Variants in MNAT1 observed in about 807,000 individuals in gnomAD.
MNAT1 encodes MNAT1 component of CDK activating kinase.
In MNAT1, 43 loss-of-function variants were observed where a neutral mutation model predicts 42.0. The ratio of observed to expected loss-of-function variants is 1.02; its 90% CI spans 0.80 to 1.32. MNAT1 has a LOEUF of 1.32. Ranked by LOEUF, MNAT1 falls within the 40% of genes most tolerant of loss-of-function variation. The pLI is 0.00. For synonymous variants in MNAT1, 118 were observed against 120.0 expected (o/e 0.98, Z 0.11); for missense variants, 306 against 350.4 (o/e 0.87, Z 1.01).
intron 4 of MNAT1, among the ~76,000 whole-genome samples, chr14:60,809,849 A>G (rs558640687): frequency 8.0e-4 from 122 of 152,184 alleles, no homozygotes; most frequent in African/African-American, 2.6e-3. Context: ...TGGTTTTAGT[A>G]TCAGGGTAAT....
intron 1 of MNAT1, among the ~76,000 whole-genome samples, chr14:60,748,343 G>A (rs2029921341): frequency 6.6e-6 from 1 of 152,146 alleles, no homozygotes. Flanking sequence ...CAATCCTTCA[G>A]CTGTAGCCTT....
intron 7 of MNAT1, among the ~76,000 whole-genome samples, chr14:60,895,565 A>C (rs2034937580): frequency 6.6e-6 from 1 of 152,208 alleles, no homozygotes; most frequent in African/African-American, 2.4e-5. Flanking sequence ...TATTGTAACA[A>C]AATTTCCATT....
chr14:60,852,280 A>G (rs1355204960), intron 6 of MNAT1, among the ~76,000 whole-genome samples: 1 of 152,112 alleles, frequency 6.6e-6, no homozygotes, highest in East Asian at 1.9e-4. Flanking sequence ...TTCTCTAATG[A>G]CCAGTGATAA....
At chr14:60,899,268 T>G (rs1342435618) in intron 7 of MNAT1, among the ~76,000 whole-genome samples, 1 of 152,206 alleles carries the variant, frequency 6.6e-6, no homozygotes, top group Non-Finnish European at 1.5e-5. Context: ...TTCTGTACTA[T>G]CAATCAGCAA....
chr14:60,960,118 A>G (rs768415794), intron 7 of MNAT1, among the ~76,000 whole-genome samples: 1 of 152,130 alleles, frequency 6.6e-6, no homozygotes, highest in African/African-American at 2.4e-5. Context: ...TGTAAATACT[A>G]TGCATATGCC....
intron 1 of MNAT1, 140 bp downstream of exon 1, chr14:60,735,091 T>A: frequency 1.2e-6 from 1 of 823,602 alleles, no homozygotes. Context: ...AAAGAAGGCG[T>A]TGTGACTTTA....
intron 7 of MNAT1, among the ~76,000 whole-genome samples, chr14:60,961,267 C>T (rs567861562): frequency 6.6e-6 from 1 of 152,274 alleles, no homozygotes; most frequent in East Asian, 1.9e-4. Flanking sequence ...CGGCCATCAG[C>T]TTTCTAATAA....
intron 6 of MNAT1, among the ~76,000 whole-genome samples, chr14:60,840,853 C>T (rs531062919): frequency 1.9e-4 from 29 of 152,092 alleles, no homozygotes; most frequent in African/African-American, 2.7e-4. Context: ...TTAGTAGAGA[C>T]GGGATTTCAC....
chr14:60,869,421 A>G (rs2034280663), intron 6 of MNAT1, among the ~76,000 whole-genome samples: 1 of 152,064 alleles, frequency 6.6e-6, no homozygotes, highest in Non-Finnish European at 1.5e-5. Flanking sequence ...TCAGTGAGGT[A>G]CCTATGACAG....
chr14:60,952,963 T>C (rs1005675969), intron 7 of MNAT1, among the ~76,000 whole-genome samples: 2 of 151,986 alleles, frequency 1.3e-5, no homozygotes, highest in Non-Finnish European at 2.9e-5. Flanking sequence ...ACTGATATTA[T>C]GGAAATCAGA....
intron 7 of MNAT1, among the ~76,000 whole-genome samples, chr14:60,911,358 T>A (rs2035356135): frequency 1.3e-5 from 2 of 152,200 alleles, no homozygotes; most frequent in Admixed American, 1.3e-4. Flanking sequence ...TGTCTTGCCT[T>A]CTGCTAGCTT....
chr14:60,738,018 T>A (rs1896356556), intron 1 of MNAT1, among the ~76,000 whole-genome samples: 1 of 147,554 alleles, frequency 6.8e-6, no homozygotes, highest in Admixed American at 6.7e-5. Flanking sequence ...CCGGCTAATT[T>A]TTTTGTATTT....
intron 1 of MNAT1, among the ~76,000 whole-genome samples, chr14:60,795,665 C>T (rs4151200): frequency 0.014 from 2,096 of 152,270 alleles, 45 homozygotes; most frequent in African/African-American, 0.048. Flanking sequence ...CATACTGGAG[C>T]GCTCAAAGTT....
intron 7 of MNAT1, among the ~76,000 whole-genome samples, chr14:60,937,618 T>G (rs1404470338): frequency 1.3e-5 from 2 of 152,184 alleles, no homozygotes; most frequent in African/African-American, 4.8e-5. Context: ...TACCATGCTG[T>G]TTTGGTTACT....
At chr14:60,892,551 A>G (rs1370600142) in intron 7 of MNAT1, among the ~76,000 whole-genome samples, 1 of 152,018 alleles carries the variant, frequency 6.6e-6, no homozygotes, top group East Asian at 1.9e-4. Flanking sequence ...TATGTATTCT[A>G]CCAATTTCTA....
intron 7 of MNAT1, among the ~76,000 whole-genome samples, chr14:60,954,978 C>T (rs2036456448): frequency 6.6e-6 from 1 of 151,932 alleles, no homozygotes; most frequent in Non-Finnish European, 1.5e-5. Flanking sequence ...TTGAGATGAT[C>T]ATATGGTTTT....
At chr14:60,874,986 A>C (rs1032920860) in intron 6 of MNAT1, among the ~76,000 whole-genome samples, 1 of 152,130 alleles carries the variant, frequency 6.6e-6, no homozygotes, top group African/African-American at 2.4e-5. Context: ...CATCTATCTC[A>C]TGAGTTTTTT....
rs527279766 is a variant in MNAT1 at position 60,920,256 on chromosome 14, T to C, written c.809+40421T>C. The C allele has an allele frequency of 2.0e-5, 3 of 152,318 alleles. No homozygotes were observed. The East Asian group carries it at 5.8e-4, about 29-fold the overall frequency. The allele number at this position is 152,318 out of a possible 1,614,324, so 9.4% of individuals were successfully genotyped here. On this transcript the variant is annotated intron_variant, in intron 7 of 7. Transcript: ENST00000261245. ...AAACTTTGAAAAGATTAATCTAGGC[T>C]ATCATTATCTGAGATTTTACTTACA... is the stretch of plus-strand genomic sequence containing the variant.
intron 7 of MNAT1, among the ~76,000 whole-genome samples, chr14:60,946,758 A>G (rs1402333731): frequency 6.6e-6 from 1 of 152,174 alleles, no homozygotes; most frequent in Non-Finnish European, 1.5e-5. Context: ...GACCAGTACT[A>G]TGGGGGTAGG....
Sources: allele counts gnomAD v4.1 joint callset (sites outside exome capture counted in the v4.1 genomes callset), GRCh38; gene constraint gnomAD v4.1.1; transcripts MANE v1.5; gene names NCBI Gene and HGNC (gene_info 2026-07-23, HGNC 2026-07-21).